The following STRN4 variants were observed in gnomAD, a reference collection of about 807,000 sequenced individuals.
The protein encoded by STRN4 is striatin 4, also known as striatin-4.
A neutral mutation model predicts 77.9 loss-of-function variants in STRN4; 27 were observed. The ratio of observed to expected loss-of-function variants is 0.35; its 90% CI spans 0.26 to 0.48. STRN4 has a LOEUF of 0.48. Ranked by LOEUF, STRN4 falls within the 20% of genes least tolerant of loss-of-function variation. STRN4 has a pLI of 0.99. For synonymous variants in STRN4, 466 were observed against 443.1 expected (o/e 1.05, Z -0.65); for missense variants, 798 against 1,049.7 (o/e 0.76, Z 3.31).
rs758013589 is a variant in STRN4, at chr19:46,738,274, G to C, written c.387-37C>G. On this transcript the variant is annotated intron_variant, in intron 2 of 17. Coordinates refer to ENST00000263280, the MANE Select transcript of STRN4 (RefSeq NM_013403.3). This position sits in a 1 kb window ranked among gnomAD's most constrained non-coding sequence, Gnocchi z 4.5. Reference sequence around the variant, plus strand: ...AATGATTAATGAATAAGAGATGCGGGAGAGTAGACAGGGTCAGTAGTTACC... The same window carrying C: ...AATGATTAATGAATAAGAGATGCGGCAGAGTAGACAGGGTCAGTAGTTACC... 6.3e-7 allele frequency: 1 copy of C among 1,585,226 alleles called. No homozygotes were observed. Among genetic ancestry groups the C allele is most frequent in the South Asian group, 1.1e-5 (1 of 90,548 alleles).
intron 3 of STRN4, among the ~76,000 whole-genome samples, chr19:46,737,582 C>A (rs2054393101): frequency 6.6e-6 from 1 of 150,898 alleles, no homozygotes; most frequent in African/African-American, 2.4e-5. Flanking sequence ...CCCAGGCACA[C>A]TGACCGACTC....
Position 46,736,867 on chromosome 19 carries a change from C to T in STRN4, c.495G>A (p.Glu165=). The T allele has an allele frequency of 1.2e-6, 2 of 1,613,238 alleles. No individual in the cohort carries two copies. The highest frequency in any genetic ancestry group is 8.5e-7 in the Non-Finnish European group (1 of 1,179,578). ...CCTCCTTCCACACCAACGGGCTGTT[C>T]TCCAGGGTGACCGATTCCACGGGGC... ...SNGPVESVTL[E]NSPLVWKEGR... Residue 165 remains glutamate (E), a synonymous_variant, in exon 4 of 18, where the codon GAG becomes GAA. Coordinates refer to ENST00000263280, the MANE Select transcript of STRN4 (RefSeq NM_013403.3).
rs200839446 is a variant in STRN4 at position 46,725,312 on chromosome 19, G to C, written c.1472+20C>G. ...TGCATTTAGGACGAGTTTCTAGCAG[G>C]CTCAGGGGCACCTCCCTACCTGTGA... On this transcript the variant is annotated intron_variant, in intron 11 of 17. Coordinates refer to ENST00000263280, the MANE Select transcript of STRN4 (RefSeq NM_013403.3). 15 of 1,614,092 alleles carry C rather than the reference G, an allele frequency of 9.3e-6. No individual in the cohort carries two copies. Among genetic ancestry groups the C allele is most frequent in the Non-Finnish European group, 1.3e-5 (15 of 1,179,996 alleles).
In STRN4 at chr19:46,722,318, C is replaced by T. The variant is rs2053997718; in HGVS notation, c.1929G>A (p.Val643=). The T allele has an allele frequency of 6.2e-7, 1 of 1,614,112 alleles. No individual in the cohort carries two copies. Among genetic ancestry groups the T allele is most frequent in the Middle Eastern group, 1.6e-4 (1 of 6,062 alleles). ...GSSGPTQINQ[V]VSHPNQPLTI... Reference sequence around the variant, plus strand: ...TGAGAGGCTGGTTTGGATGACTCACCACTTGGTTGATCTGGGTTGGACCTG... The same window carrying T: ...TGAGAGGCTGGTTTGGATGACTCACTACTTGGTTGATCTGGGTTGGACCTG... Residue 643 remains valine, a synonymous_variant, in exon 15 of 18, where the codon GTG becomes GTA. Coordinates refer to ENST00000263280, the MANE Select transcript of STRN4 (RefSeq NM_013403.3).
chr19:46,724,928 C>G lies in STRN4; in HGVS notation c.1473G>C (p.Arg491Ser). ...CCATAGCCACAGCCAACACTGGGCC[C>G]CTGGAAGGGACAAATATGTGGAAAG... Reference protein sequence around the residue: ...VEPIHAFRAHRGPVLAVAMGS... With the variant: ...VEPIHAFRAHSGPVLAVAMGS... The change falls in exon 12 of 18, where the codon AGG becomes AGC. Residue 491 changes from arginine to serine, a missense_variant and splice_region_variant. Arg to Ser is a moderately radical substitution (Grantham distance 110, BLOSUM62 -1). Coordinates refer to ENST00000263280, the MANE Select transcript of STRN4 (RefSeq NM_013403.3). The G allele has an allele frequency of 1.2e-6, 2 of 1,613,940 alleles. No individual in the cohort carries two copies. The highest frequency in any genetic ancestry group is 1.7e-6 in the Non-Finnish European group (2 of 1,180,024).
chr19:46,724,737 G>T, intron 12 of STRN4, 70 bp downstream of exon 12: 1 of 1,606,026 alleles, frequency 6.2e-7, no homozygotes, highest in South Asian at 1.1e-5. Flanking sequence ...TGGACGCGAC[G>T]TGTGTGTGCG....
At chr19:46,721,766 A>C in intron 16 of STRN4, 2 of 542,138 alleles carry the variant, frequency 3.7e-6, no homozygotes. Context: ...CCAACCGCAC[A>C]GGCTGCTTAG....
chr19:46,736,800 C>G, intron 4 of STRN4, 23 bp downstream of exon 4: 1 of 1,609,354 alleles, frequency 6.2e-7, no homozygotes, highest in Middle Eastern at 1.7e-4. Flanking sequence ...GTGTCCCCAG[C>G]CCCCCTCCCC....
intron 4 of STRN4, among the ~76,000 whole-genome samples, chr19:46,734,322 CGT>C (rs1383937149): frequency 6.6e-6 from 1 of 152,284 alleles, no homozygotes; most frequent in African/African-American, 2.4e-5. Flanking sequence ...GTGCCAGGCA[CGT>C]AATAGGTACT....
intron 9 of STRN4, among the ~76,000 whole-genome samples, 160 bp downstream of exon 9, chr19:46,727,292 C>A (rs537278317): frequency 2.0e-5 from 3 of 152,134 alleles, no homozygotes; most frequent in Non-Finnish European, 2.9e-5. Context: ...CCAGGCCCTG[C>A]GCCTTGGCGA....
intron 7 of STRN4, 89 bp downstream of exon 7, chr19:46,728,529 G>C (rs146307369): frequency 1.3e-6 from 2 of 1,492,116 alleles, no homozygotes; most frequent in Non-Finnish European, 1.8e-6. Context: ...GAGAGACCCT[G>C]TACAGGAAGC....
chr19:46,724,293 CAG>C (rs2054054681), intron 12 of STRN4, among the ~76,000 whole-genome samples: 1 of 140,584 alleles, frequency 7.1e-6, no homozygotes, highest in African/African-American at 2.8e-5. Context: ...AACAGGGGGA[CAG>C]ATGTTGAACA....
rs1276618622 is a variant in STRN4 at position 46,738,357 on chromosome 19, C to T, written c.387-120G>A. 3.1e-6 allele frequency: 3 copies of T among 972,896 alleles called. No homozygotes were observed. Among genetic ancestry groups the T allele is most frequent in the Admixed American group, 1.9e-5 (1 of 52,770 alleles). 60.3% of individuals were successfully genotyped at this position (972,896 alleles called of 1,614,324 possible). A position where few individuals can be genotyped will look rare whatever the true frequency, so the allele number is the denominator to read the frequency against. ...AGGGCCTCCCCCAGCTCGTCTACTACTGAGGCTGAAGCATCCCCCCACACC... is the reference window on the plus strand; with the variant it reads ...AGGGCCTCCCCCAGCTCGTCTACTATTGAGGCTGAAGCATCCCCCCACACC... On this transcript the variant is annotated intron_variant, in intron 2 of 17. Transcript: ENST00000263280. The surrounding 1 kb of genome is among the most constrained non-coding windows in gnomAD (Gnocchi z 4.5).
chr19:46,723,324 T>A lies in STRN4; in HGVS notation c.1595-40A>T. 1 of 1,513,024 alleles carries A rather than the reference T, an allele frequency of 6.6e-7. No homozygotes were observed. Among genetic ancestry groups the A allele is most frequent in the African/African-American group, 1.4e-5 (1 of 72,672 alleles). The allele number at this position is 1,513,024 out of a possible 1,614,324, so 93.7% of individuals were successfully genotyped here. On this transcript the variant is annotated intron_variant, in intron 12 of 17. Transcript: ENST00000263280. This position sits in a 1 kb window ranked among gnomAD's most constrained non-coding sequence, Gnocchi z 5.5. ...GGGAGGAAATGGGCTGTGTCAGGGC[T>A]GCCAGCTCCTCCCTGGACAGCCCAG... is the stretch of plus-strand genomic sequence containing the variant.
At chr19:46,725,189 G>A in intron 11 of STRN4, 143 bp downstream of exon 11, 1 of 1,218,642 alleles carries the variant, frequency 8.2e-7, no homozygotes, top group South Asian at 1.4e-5. Flanking sequence ...AACCAGGGCT[G>A]TGTATATCAT....
At position 46,738,978 on chromosome 19, in the gene STRN4, C is replaced by T; in HGVS notation, c.283-90G>A. ...CACTCACCCAGGTATAGTGCCAGCC[C>T]ACAGTCACCCCACAGTAATGGGCAG... On this transcript the variant is annotated intron_variant, in intron 1 of 17. Transcript: ENST00000263280. The surrounding 1 kb of genome is among the most constrained non-coding windows in gnomAD (Gnocchi z 4.5). 1 of 1,077,932 alleles carries T rather than the reference C, an allele frequency of 9.3e-7. No individual in the cohort carries two copies. The highest frequency in any genetic ancestry group is 1.4e-6 in the Non-Finnish European group (1 of 711,340). The allele number at this position is 1,077,932 out of a possible 1,614,324, so 66.8% of individuals were successfully genotyped here.
At chr19:46,746,448 CCTGCGCGCCCGCTGTG>C in exon 1 of STRN4, 1 of 1,003,550 alleles carries the variant, frequency 1.0e-6, no homozygotes, top group Non-Finnish European at 1.2e-6. Flanking sequence ...CCGGGGCCGG[CCTGCGCGCCCGCTGTG>C]CCTCGCGCGC....
In STRN4 at chr19:46,725,883, AC is replaced by A. The variant is rs2054101342; in HGVS notation, c.1249-236del. On this transcript the variant is annotated intron_variant, in intron 9 of 17. Transcript: ENST00000263280. Reference sequence around the variant, plus strand: ...TTCTGGAGAGACAAAGGTGAGCCTGACCCCTTGGGGTCTTGCAGTTGAGAGG... The same window carrying A: ...TTCTGGAGAGACAAAGGTGAGCCTGACCCTTGGGGTCTTGCAGTTGAGAGG... The A allele has an allele frequency of 1.2e-4, 68 of 561,998 alleles. No homozygotes were observed. The South Asian group carries it at 1.4e-3, about 12-fold the overall frequency. 34.8% of individuals were successfully genotyped at this position (561,998 alleles called of 1,614,324 possible). A position where few individuals can be genotyped will look rare whatever the true frequency, so the allele number is the denominator to read the frequency against.
chr19:46,726,483 CAA>C (rs35238185), intron 9 of STRN4, among the ~76,000 whole-genome samples: 137 of 134,218 alleles, frequency 1.0e-3, no homozygotes, highest in South Asian at 1.7e-3. Context: ...CCTCAAGGAG[CAA>C]AAAAAAAAAA....
Sources: allele counts gnomAD v4.1 joint callset (sites outside exome capture counted in the v4.1 genomes callset), GRCh38; gene constraint gnomAD v4.1.1; non-coding constraint Gnocchi (gnomAD v3.1); transcripts MANE v1.5; gene names NCBI Gene and HGNC (gene_info 2026-07-23, HGNC 2026-07-21).